Variants in RBFOX1 observed in about 807,000 individuals in gnomAD.
The protein encoded by RBFOX1 is RNA binding protein fox-1 homolog 1.
A neutral mutation model predicts 57.7 loss-of-function variants in RBFOX1; 8 were observed. That is an observed-to-expected ratio of 0.14 (90% CI 0.08 to 0.25). RBFOX1 has a LOEUF of 0.25. Ranked by LOEUF, RBFOX1 falls within the 10% of genes least tolerant of loss-of-function variation. RBFOX1 has a pLI of 1.00. For missense variants in RBFOX1, 611 were observed against 548.5 expected (o/e 1.11, Z -1.14); for synonymous variants, 326 against 222.4 (o/e 1.47, Z -4.15).
chr16:7,485,648 C>T (rs1256814054), intron 4 of RBFOX1, among the ~76,000 whole-genome samples: 5 of 152,190 alleles, frequency 3.3e-5, no homozygotes, highest in African/African-American at 1.2e-4. Flanking sequence ...GAAGATTGTT[C>T]TATCTAAACA....
At chr16:5,490,814 C>T (rs1408243740) in intron 2 of RBFOX1, among the ~76,000 whole-genome samples, 1 of 152,120 alleles carries the variant, frequency 6.6e-6, no homozygotes, top group Non-Finnish European at 1.5e-5. Flanking sequence ...GGGAGTTTTT[C>T]TTCTTAATAA....
intron 3 of RBFOX1, among the ~76,000 whole-genome samples, chr16:6,911,432 C>T (rs890756492): frequency 1.3e-5 from 2 of 152,140 alleles, no homozygotes; most frequent in Admixed American, 6.5e-5. Flanking sequence ...GCTGGCAACG[C>T]ATGGTGCTGC....
chr16:6,348,663 C>T (rs1390104200), intron 2 of RBFOX1, among the ~76,000 whole-genome samples: 2 of 152,138 alleles, frequency 1.3e-5, no homozygotes, highest in East Asian at 3.9e-4. Flanking sequence ...CATCTCAGAG[C>T]AGGAGCAGGA....
intron 4 of RBFOX1, among the ~76,000 whole-genome samples, chr16:7,277,712 C>T (rs2095468135): frequency 6.6e-6 from 1 of 152,060 alleles, no homozygotes; most frequent in South Asian, 2.1e-4. Flanking sequence ...AAGCCAAGGA[C>T]TTCTATAGGC....
At chr16:5,527,541 G>T (rs530136731) in intron 2 of RBFOX1, among the ~76,000 whole-genome samples, 1 of 152,332 alleles carries the variant, frequency 6.6e-6, no homozygotes, top group East Asian at 1.9e-4. Context: ...TTCTGTGTTT[G>T]AGCCACTGAA....
intron 1 of RBFOX1, among the ~76,000 whole-genome samples, chr16:5,393,157 C>G (rs2066460011): frequency 6.6e-6 from 1 of 152,110 alleles, no homozygotes; most frequent in Admixed American, 6.5e-5. Context: ...TCTGTCCCTG[C>G]CCCCTCATCC....
intron 3 of RBFOX1, among the ~76,000 whole-genome samples, chr16:7,014,516 C>T (rs970085684): frequency 2.0e-5 from 3 of 151,928 alleles, no homozygotes; most frequent in African/African-American, 7.3e-5. Context: ...GCTAGGATTA[C>T]AGTGATAAGC....
chr16:6,221,485 C>CAAAG (rs1001806492), intron 1 of RBFOX1, among the ~76,000 whole-genome samples: 30 of 152,240 alleles, frequency 2.0e-4, no homozygotes, highest in African/African-American at 7.0e-4. Flanking sequence ...CACATATTTC[C>CAAAG]AAAGACTGTA....
At chr16:5,709,438 T>C (rs1277989425) in intron 3 of RBFOX1, among the ~76,000 whole-genome samples, 1 of 152,028 alleles carries the variant, frequency 6.6e-6, no homozygotes, top group Non-Finnish European at 1.5e-5. Context: ...TAAAACAGAT[T>C]TTCGTGATGG....
At chr16:6,030,879 G>T (rs2095278296) in intron 1 of RBFOX1, among the ~76,000 whole-genome samples, 1 of 152,116 alleles carries the variant, frequency 6.6e-6, no homozygotes, top group Admixed American at 6.6e-5. Context: ...ACATTTTTGA[G>T]CCCATGCTCT....
chr16:6,254,229 C>G (rs1235012428), intron 1 of RBFOX1, among the ~76,000 whole-genome samples: 1 of 152,108 alleles, frequency 6.6e-6, no homozygotes, highest in African/African-American at 2.4e-5. Flanking sequence ...GGTTATCATG[C>G]AGTGAGCCTG....
intron 3 of RBFOX1, among the ~76,000 whole-genome samples, chr16:5,752,331 T>A (rs2053238679): frequency 6.6e-6 from 1 of 152,146 alleles, no homozygotes; most frequent in African/African-American, 2.4e-5. Context: ...TAATAGATAC[T>A]AGGCTTCATA....
chr16:7,077,562 C>A (rs935561121), intron 4 of RBFOX1, among the ~76,000 whole-genome samples: 1 of 152,132 alleles, frequency 6.6e-6, no homozygotes, highest in Non-Finnish European at 1.5e-5. Context: ...CATATTAGTA[C>A]AATGATGAAA....
intron 1 of RBFOX1, among the ~76,000 whole-genome samples, chr16:6,065,154 A>G (rs536955363): frequency 3.3e-5 from 5 of 149,870 alleles, no homozygotes; most frequent in African/African-American, 1.2e-4. Context: ...CATCCCCCAG[A>G]GTGGCTGAGA....
chr16:5,952,243 C>T (rs563680957), intron 4 of RBFOX1, among the ~76,000 whole-genome samples: 42 of 151,910 alleles, frequency 2.8e-4, no homozygotes, highest in Admixed American at 4.6e-4. Context: ...CTCCACCTCC[C>T]GGGTTCAAGC....
intron 2 of RBFOX1, among the ~76,000 whole-genome samples, chr16:6,539,650 T>C (rs2096784124): frequency 6.6e-6 from 1 of 151,754 alleles, no homozygotes; most frequent in Non-Finnish European, 1.5e-5. Flanking sequence ...ATACAAAAAT[T>C]AGCCATGCCT....
intron 3 of RBFOX1, among the ~76,000 whole-genome samples, chr16:6,873,164 C>T (rs1303382292): frequency 2.6e-5 from 4 of 151,276 alleles, no homozygotes; most frequent in African/African-American, 9.7e-5. Context: ...GCAGACTTTC[C>T]TCCTGAAGCG....
intron 2 of RBFOX1, among the ~76,000 whole-genome samples, chr16:6,379,039 G>T (rs952807078): frequency 6.6e-6 from 1 of 152,134 alleles, no homozygotes; most frequent in East Asian, 1.9e-4. Context: ...ATCGGTGTTG[G>T]GATTGTGTGT....
chr16:6,425,903 A>C lies in RBFOX1; in HGVS notation c.-64+108846A>C, dbSNP rs79407740. The stretch of plus-strand genomic sequence containing the variant: ...TGTACAATTCCGTGGTATTTAGTAC[A>C]TTAGCTTCCCAAAAAGAATCCCATG... On this transcript the variant is annotated intron_variant, in intron 2 of 15. Coordinates refer to ENST00000550418, the MANE Select transcript of RBFOX1 (RefSeq NM_018723.4). Among the ~76,000 whole-genome samples, 931 of 152,262 alleles carry C rather than the reference A, an allele frequency of 6.1e-3. 36 individuals carry two copies. The East Asian group carries it at 0.13, about 21-fold the overall frequency.
Sources: gnomAD v4.1 joint callset for allele counts (sites outside exome capture counted in the v4.1 genomes callset) on GRCh38, gnomAD v4.1.1 for gene constraint, MANE v1.5 for transcripts, NCBI Gene and HGNC (gene_info 2026-07-23, HGNC 2026-07-21) for gene names.